The following PEMT variants were observed in gnomAD, a reference collection of about 807,000 sequenced individuals.
PEMT encodes the protein phospholipid methyltransferase.
In PEMT, 23 loss-of-function variants were observed where a neutral mutation model predicts 27.4. That is an observed-to-expected ratio of 0.84 (90% CI 0.60 to 1.19). The LOEUF (loss-of-function observed/expected upper bound fraction) is 1.19, where lower values mean the gene tolerates loss of function less well. Among genes scored for constraint, PEMT ranks in the 50% most tolerant of loss-of-function variants. The pLI is 0.00. For synonymous variants in PEMT, 137 were observed against 139.1 expected (o/e 0.98, Z 0.11); for missense variants, 307 against 310.1 (o/e 0.99, Z 0.07).
At chr17:17,589,646 A>G (rs1912495258) in intron 1 of PEMT, among the ~76,000 whole-genome samples, 1 of 152,200 alleles carries the variant, frequency 6.6e-6, no homozygotes, top group Admixed American at 6.5e-5. Context: ...CCATGGGGTG[A>G]ACAAAAACCT....
chr17:17,546,139 C>T (rs149136353), intron 2 of PEMT, among the ~76,000 whole-genome samples: 2 of 152,308 alleles, frequency 1.3e-5, no homozygotes, highest in East Asian at 1.9e-4. Flanking sequence ...CTCCCTGGGG[C>T]GATGCACAGA....
At chr17:17,576,539 G>C (rs1415029201) in intron 2 of PEMT, among the ~76,000 whole-genome samples, 2 of 152,228 alleles carry the variant, frequency 1.3e-5, no homozygotes, top group African/African-American at 4.8e-5. Flanking sequence ...GTGTGACATG[G>C]CAGAGAGGGA....
chr17:17,575,169 T>A (rs1388533020), intron 2 of PEMT, among the ~76,000 whole-genome samples: 2 of 152,210 alleles, frequency 1.3e-5, no homozygotes, highest in Non-Finnish European at 2.9e-5. Context: ...TTCCAGCTTC[T>A]GGTGGGCCTG....
At chr17:17,556,084 G>A (rs1022110221) in intron 2 of PEMT, among the ~76,000 whole-genome samples, 6 of 152,238 alleles carry the variant, frequency 3.9e-5, no homozygotes, top group African/African-American at 4.8e-5. Context: ...GCAGTCACAC[G>A]TCGCACTGAA....
chr17:17,526,532 G>A (rs1408592470), intron 2 of PEMT, among the ~76,000 whole-genome samples: 1 of 152,246 alleles, frequency 6.6e-6, no homozygotes, highest in African/African-American at 2.4e-5. Flanking sequence ...GGACATGTGA[G>A]AGCGCCCGTC....
chr17:17,550,055 A>G (rs1909538743), intron 2 of PEMT, among the ~76,000 whole-genome samples: 1 of 152,210 alleles, frequency 6.6e-6, no homozygotes, highest in Non-Finnish European at 1.5e-5. Flanking sequence ...CCCTGAAAAC[A>G]GTTCCTCCCT....
At chr17:17,543,649 G>A (rs773116833) in intron 2 of PEMT, among the ~76,000 whole-genome samples, 16 of 151,960 alleles carry the variant, frequency 1.1e-4, no homozygotes, top group Non-Finnish European at 1.6e-4. Context: ...TGCAAACTTC[G>A]CCTCCCAGGT....
intron 2 of PEMT, 60 bp from the exon 3 acceptor site, chr17:17,522,455 TG>T: frequency 1.3e-6 from 1 of 751,044 alleles, no homozygotes; most frequent in Non-Finnish European, 2.2e-6. Flanking sequence ...AGGGTGGGGG[TG>T]GGGAGCACAT....
chr17:17,583,689 C>A (rs981365502), intron 1 of PEMT, among the ~76,000 whole-genome samples: 4 of 152,268 alleles, frequency 2.6e-5, no homozygotes, highest in Admixed American at 1.3e-4. Flanking sequence ...ACAGGGCCCA[C>A]TCAGGGCCGA....
At chr17:17,567,290 C>T (rs58494746) in intron 2 of PEMT, among the ~76,000 whole-genome samples, 4,236 of 152,328 alleles carry the variant, frequency 0.028, 152 homozygotes, top group African/African-American at 0.083. Context: ...TGACCCAGTT[C>T]GAGACACCTT....
In PEMT at chr17:17,523,528, G is replaced by A. The variant is rs1183940962; in HGVS notation, c.205-1133C>T. On this transcript the variant is annotated intron_variant, in intron 2 of 6. Transcript: ENST00000255389. This position sits in a 1 kb window ranked among gnomAD's most constrained non-coding sequence, Gnocchi z 4.8. ...GGGGCAGGGTATGCCAAAGTTTACA[G>A]GAAGGAGAAGTGAAGGAGGTAGCTC... 1.3e-5 allele frequency among the ~76,000 whole-genome samples: 2 copies of A among 152,122 alleles called. No individual in the cohort carries two copies. The highest frequency in any genetic ancestry group is 2.9e-5 in the Non-Finnish European group (2 of 68,010).
chr17:17,576,429 G>A (rs1044369355), intron 2 of PEMT, among the ~76,000 whole-genome samples: 17 of 152,308 alleles, frequency 1.1e-4, no homozygotes, highest in Non-Finnish European at 1.5e-4. Flanking sequence ...GCCTAGGTCC[G>A]GAATGCGCAG....
chr17:17,586,073 A>T (rs1912229592), intron 1 of PEMT, among the ~76,000 whole-genome samples: 1 of 143,770 alleles, frequency 7.0e-6, no homozygotes. Context: ...ACAGAGCGAG[A>T]CTCCGTCTCA....
chr17:17,574,845 C>T (rs1911471475), intron 2 of PEMT, among the ~76,000 whole-genome samples: 1 of 152,198 alleles, frequency 6.6e-6, no homozygotes, highest in South Asian at 2.1e-4. Flanking sequence ...AACGTCAGGC[C>T]TGCAGGAAGC....
chr17:17,591,402 CGCCACG>C, intron 1 of PEMT, 123 bp downstream of exon 1: 3 of 771,418 alleles, frequency 3.9e-6, no homozygotes, highest in Non-Finnish European at 6.1e-6. Context: ...ACCCCCGCCA[CGCCACG>C]CCCCCATTGC....
In PEMT at chr17:17,587,343, C is replaced by G. The variant is rs112077845; in HGVS notation, c.96+4188G>C. Among the ~76,000 whole-genome samples, 216 of 152,216 alleles carry G rather than the reference C, an allele frequency of 1.4e-3. 1 individual carries two copies. The highest frequency in any genetic ancestry group is 6.8e-3 in the Middle Eastern group (2 of 294). On this transcript the variant is annotated intron_variant, in intron 1 of 6. Coordinates refer to ENST00000255389, the MANE Select transcript of PEMT (RefSeq NM_148172.3). ...AGTAACTTAGATGAAATGAACCGATCCTTGCAAGACACAACTGTCAAAATT... is the reference window on the plus strand; with the variant it reads ...AGTAACTTAGATGAAATGAACCGATGCTTGCAAGACACAACTGTCAAAATT...
At chr17:17,552,886 C>T (rs1909760151) in intron 2 of PEMT, among the ~76,000 whole-genome samples, 2 of 152,198 alleles carry the variant, frequency 1.3e-5, no homozygotes, top group Admixed American at 6.5e-5. Context: ...GAACACACTG[C>T]TCCCTGCATC....
chr17:17,522,264 A>C lies in PEMT; in HGVS notation c.320+16T>G. ...GCCCAGGGGTTGTGGCTCCCCAGTG[A>C]GAGAGCTGTGCTTACCAGTGCGAGC... On this transcript the variant is annotated intron_variant, in intron 3 of 6. Transcript: ENST00000255389. 2 of 1,570,270 alleles carry C rather than the reference A, an allele frequency of 1.3e-6. No homozygotes were observed. The highest frequency in any genetic ancestry group is 1.8e-6 in the Non-Finnish European group (2 of 1,139,952).
At chr17:17,584,852 C>T (rs1229051994) in intron 1 of PEMT, among the ~76,000 whole-genome samples, 2 of 152,246 alleles carry the variant, frequency 1.3e-5, no homozygotes, top group Non-Finnish European at 2.9e-5. Flanking sequence ...CGCTGAGCAC[C>T]GCTTCCTAGC....
Sources: gnomAD v4.1 joint callset for allele counts (sites outside exome capture counted in the v4.1 genomes callset) on GRCh38, gnomAD v4.1.1 for gene constraint, Gnocchi (gnomAD v3.1) non-coding constraint, MANE v1.5 for transcripts, NCBI Gene and HGNC (gene_info 2026-07-23, HGNC 2026-07-21) for gene names.